The following UMAD1 variants were observed in gnomAD, a reference collection of about 807,000 sequenced individuals.
UMAD1 encodes UBAP1-MVB12-associated (UMA)-domain containing protein 1.
UMAD1 carries 8 observed loss-of-function variants against 6.1 expected under a neutral mutation model. That is an observed-to-expected ratio of 1.30 (90% confidence interval 0.76 to 2.35). UMAD1 has a LOEUF of 2.35. Ranked by LOEUF, UMAD1 falls within the 30% of genes most tolerant of loss-of-function variation. The pLI is 0.00. For synonymous variants in UMAD1, 56 were observed against 31.4 expected (o/e 1.78, Z -2.61); for missense variants, 130 against 78.4 (o/e 1.66, Z -2.49).
chr7:7,749,335 A>T (rs2115217074), intron 2 of UMAD1, among the ~76,000 whole-genome samples: 2 of 152,296 alleles, frequency 1.3e-5, no homozygotes, highest in Middle Eastern at 6.8e-3. Context: ...AGTATGGTTT[A>T]ATTACTTTCC....
intron 1 of UMAD1, among the ~76,000 whole-genome samples, chr7:7,642,431 T>C (rs774221217): frequency 3.9e-4 from 59 of 151,518 alleles, no homozygotes; most frequent in Non-Finnish European, 4.6e-4. Flanking sequence ...AGTACTGGAA[T>C]TACAGGTGTG....
intron 1 of UMAD1, among the ~76,000 whole-genome samples, chr7:7,651,896 T>C (rs561936244): frequency 6.6e-5 from 10 of 152,338 alleles, no homozygotes; most frequent in South Asian, 6.2e-4. Context: ...TGTCTTGTAC[T>C]CTGTTTTACA....
At chr7:7,790,673 A>G (rs117589896) in intron 2 of UMAD1, among the ~76,000 whole-genome samples, 1 of 152,332 alleles carries the variant, frequency 6.6e-6, no homozygotes, top group East Asian at 1.9e-4. Context: ...CACTTTAAGT[A>G]TGGCATAGCA....
At chr7:7,745,470 A>T (rs1781554383) in intron 2 of UMAD1, among the ~76,000 whole-genome samples, 1 of 152,036 alleles carries the variant, frequency 6.6e-6, no homozygotes, top group Non-Finnish European at 1.5e-5. Flanking sequence ...TCCATTTCTT[A>T]CCCCTTGGCT....
intron 1 of UMAD1, among the ~76,000 whole-genome samples, chr7:7,667,673 C>T (rs1204493607): frequency 1.3e-5 from 2 of 152,136 alleles, no homozygotes; most frequent in African/African-American, 4.8e-5. Flanking sequence ...CAGCATAGAG[C>T]TGAGCAAGGC....
At chr7:7,860,792 C>CA (rs796981406) in intron 3 of UMAD1, among the ~76,000 whole-genome samples, 1 of 60,460 alleles carries the variant, frequency 1.7e-5, no homozygotes, top group South Asian at 3.9e-4. Context: ...AAAAAAATAA[C>CA]AAAAAAAATA....
At chr7:7,833,695 AC>A (rs904567704) in intron 3 of UMAD1, among the ~76,000 whole-genome samples, 60 of 152,196 alleles carry the variant, frequency 3.9e-4, no homozygotes, top group African/African-American at 1.4e-3. Flanking sequence ...GAGCCTATTA[AC>A]CTTTACACTG....
At chr7:7,739,627 A>G (rs909161152) in intron 2 of UMAD1, among the ~76,000 whole-genome samples, 2 of 152,238 alleles carry the variant, frequency 1.3e-5, no homozygotes, top group Non-Finnish European at 2.9e-5. Context: ...CAAATCAATC[A>G]AGCAAAAGCT....
intron 3 of UMAD1, among the ~76,000 whole-genome samples, chr7:7,805,298 A>C (rs1230840529): frequency 3.9e-5 from 6 of 152,028 alleles, no homozygotes; most frequent in Admixed American, 2.6e-4. Context: ...CCCAAGTTTT[A>C]ATCATTCCTG....
At chr7:7,693,907 A>G (rs182899348) in intron 2 of UMAD1, among the ~76,000 whole-genome samples, 18 of 152,312 alleles carry the variant, frequency 1.2e-4, no homozygotes, top group African/African-American at 4.1e-4. Context: ...ATATTATCTT[A>G]AAATGGCAAT....
chr7:7,786,805 A>G (rs1404433663), intron 2 of UMAD1, among the ~76,000 whole-genome samples: 1 of 152,186 alleles, frequency 6.6e-6, no homozygotes, highest in Non-Finnish European at 1.5e-5. Flanking sequence ...AGAGAACCTG[A>G]CAGCCATAGG....
At position 7,830,534 on chromosome 7, in the gene UMAD1, CGT is replaced by C. The variant is rs1278375545; in HGVS notation, c.156+28794_156+28795del. On this transcript the variant is annotated intron_variant, in intron 3 of 3. Transcript: ENST00000682710. The surrounding 1 kb of genome is among the most constrained non-coding windows in gnomAD (Gnocchi z 5.3). Reference sequence around the variant, plus strand: ...CGTTTCTTTTCTTTCTTTTAACATGCGTGTTTTTCTTCTTTGCTCTGGGTGCC... The same window carrying C: ...CGTTTCTTTTCTTTCTTTTAACATGCGTTTTTCTTCTTTGCTCTGGGTGCC... Among the ~76,000 whole-genome samples, 1 of 151,822 alleles carries C rather than the reference CGT, an allele frequency of 6.6e-6. No homozygotes were observed. The highest frequency in any genetic ancestry group is 1.5e-5 in the Non-Finnish European group (1 of 67,972).
intron 2 of UMAD1, among the ~76,000 whole-genome samples, chr7:7,704,819 G>A (rs1780558872): frequency 1.4e-5 from 2 of 139,706 alleles, no homozygotes; most frequent in Non-Finnish European, 3.1e-5. Context: ...TTAAATGCCA[G>A]TTTAACTTAT....
intron 2 of UMAD1, chr7:7,685,824 T>G (rs753745172): frequency 6.6e-6 from 1 of 152,246 alleles, no homozygotes; most frequent in Non-Finnish European, 1.5e-5. Flanking sequence ...AGAATTATGG[T>G]CTTACCTTGG....
intron 2 of UMAD1, among the ~76,000 whole-genome samples, chr7:7,783,890 T>C (rs1782402512): frequency 6.6e-6 from 1 of 152,216 alleles, no homozygotes; most frequent in African/African-American, 2.4e-5. Context: ...TGACACGGTA[T>C]GCTGTCTACT....
intron 1 of UMAD1, among the ~76,000 whole-genome samples, chr7:7,664,431 C>T (rs530127063): frequency 6.6e-6 from 1 of 152,314 alleles, no homozygotes; most frequent in South Asian, 2.1e-4. Context: ...CCAACAAATC[C>T]TGTTTTGCCA....
At chr7:7,675,207 T>C (rs966770420) in intron 2 of UMAD1, among the ~76,000 whole-genome samples, 4 of 152,206 alleles carry the variant, frequency 2.6e-5, no homozygotes, top group Non-Finnish European at 5.9e-5. Flanking sequence ...CATTATTCTT[T>C]TTGTTATCAA....
At chr7:7,748,936 C>A (rs1240130048) in intron 2 of UMAD1, among the ~76,000 whole-genome samples, 1 of 151,944 alleles carries the variant, frequency 6.6e-6, no homozygotes, top group Non-Finnish European at 1.5e-5. Context: ...CTCTTTTATC[C>A]CTCCTTTTCT....
intron 2 of UMAD1, among the ~76,000 whole-genome samples, chr7:7,691,213 T>C (rs573549434): frequency 1.3e-5 from 2 of 152,320 alleles, no homozygotes; most frequent in African/African-American, 4.8e-5. Flanking sequence ...AGAGCCACCA[T>C]TAATTTTCAA....
Sources: allele counts gnomAD v4.1 joint callset (sites outside exome capture counted in the v4.1 genomes callset), GRCh38; gene constraint gnomAD v4.1.1; non-coding constraint Gnocchi (gnomAD v3.1); transcripts MANE v1.5; gene names NCBI Gene and HGNC (gene_info 2026-07-23, HGNC 2026-07-21).